CFAP161: variants seen among roughly 807,000 people sequenced by gnomAD.
CFAP161 encodes the protein cilia- and flagella-associated protein 161.
In CFAP161, 25 loss-of-function variants were observed where a neutral mutation model predicts 29.0. The ratio of observed to expected loss-of-function variants is 0.86; its 90% CI spans 0.63 to 1.20. The LOEUF (loss-of-function observed/expected upper bound fraction) is 1.20. CFAP161 is among the 50% of genes most tolerant of loss of function. The pLI is 0.00. For synonymous variants in CFAP161, 116 were observed against 137.4 expected (o/e 0.84, Z 1.09); for missense variants, 367 against 371.9 (o/e 0.99, Z 0.11).
chr15:81,140,926 T>C (rs1894897536), intron 4 of CFAP161, among the ~76,000 whole-genome samples: 1 of 152,122 alleles, frequency 6.6e-6, no homozygotes, highest in Non-Finnish European at 1.5e-5. Context: ...GTGTCTTAAT[T>C]ATTAGAGCTT....
At chr15:81,133,222 TA>T (rs1402595421), upstream of CFAP161, among the ~76,000 whole-genome samples, 147 of 27,588 alleles carry the variant, frequency 5.3e-3, 7 homozygotes, top group Non-Finnish European at 0.011. Context: ...TATATATATA[TA>T]TGTATTTTTT....
chr15:81,118,212 G>C (rs1487295692), intron 1 of CFAP161: 5 of 488,444 alleles, frequency 1.0e-5, no homozygotes, highest in Non-Finnish European at 1.9e-5. Context: ...TAGGCAGCTT[G>C]GGGAGATTTG....
chr15:81,103,536 A>G (rs1008955628), intron 1 of CFAP161, among the ~76,000 whole-genome samples: 4 of 152,164 alleles, frequency 2.6e-5, no homozygotes, highest in African/African-American at 9.7e-5. Context: ...TGAATAGAAT[A>G]GCTGACCACC....
At chr15:81,105,886 A>C (rs1056640758) in intron 1 of CFAP161, among the ~76,000 whole-genome samples, 3 of 152,190 alleles carry the variant, frequency 2.0e-5, no homozygotes, top group Non-Finnish European at 2.9e-5. Flanking sequence ...AAGAAACTGA[A>C]CAATTCACTG....
At chr15:81,114,726 C>G (rs891855621) in intron 1 of CFAP161, among the ~76,000 whole-genome samples, 2 of 152,108 alleles carry the variant, frequency 1.3e-5, no homozygotes, top group African/African-American at 4.8e-5. Flanking sequence ...TGCAGTGGCG[C>G]GATCTCGGCT....
intron 1 of CFAP161, among the ~76,000 whole-genome samples, chr15:81,118,715 G>A (rs545535967): frequency 2.1e-4 from 32 of 152,370 alleles, no homozygotes; most frequent in Non-Finnish European, 2.5e-4. Context: ...GAGGCTGCAC[G>A]ACCCGCCAGC....
chr15:81,105,090 T>TTCCCTCCCTCCCTCCCTCCCTTCCTCCC (rs1157434749), intron 1 of CFAP161, among the ~76,000 whole-genome samples: 3 of 46,454 alleles, frequency 6.5e-5, no homozygotes, highest in Non-Finnish European at 2.0e-4. Context: ...TTCTTTTCTT[T>TTCCCTCCCTCCCTCCCTCCCTTCCTCCC]TCCCTCCCTC....
At chr15:81,102,532 C>T (rs565024765) in intron 1 of CFAP161, among the ~76,000 whole-genome samples, 19 of 152,012 alleles carry the variant, frequency 1.2e-4, no homozygotes, top group South Asian at 2.1e-4. Flanking sequence ...AATTAGTTGA[C>T]GTGGTGGTGC....
chr15:81,104,340 G>A (rs1354153801), intron 1 of CFAP161, among the ~76,000 whole-genome samples: 1 of 152,240 alleles, frequency 6.6e-6, no homozygotes, highest in Non-Finnish European at 1.5e-5. Context: ...CAGTGAAGCT[G>A]GGAAGAGACT....
Position 81,143,726 on chromosome 15 carries a change from T to G in CFAP161, c.542T>G (p.Val181Gly). The G allele has an allele frequency of 1.2e-6, 2 of 1,614,122 alleles. No individual in the cohort carries two copies. The highest frequency in any genetic ancestry group is 1.7e-6 in the Non-Finnish European group (2 of 1,180,018). Residue 181 changes from valine (V) to glycine (G), a missense_variant, in exon 5 of 7, where the codon GTG becomes GGG. Coordinates refer to ENST00000286732, the MANE Select transcript of CFAP161 (RefSeq NM_173528.4). ...KSSKRSWLQE[V>G]YLTDEVSHVN... Reference sequence around the variant, plus strand: ...TCTAAGAGGTCTTGGCTCCAGGAAGTGTACCTAACAGATGAGGTCTCCCAT... The same window carrying G: ...TCTAAGAGGTCTTGGCTCCAGGAAGGGTACCTAACAGATGAGGTCTCCCAT...
chr15:81,134,217 G>T, upstream of CFAP161: 3 of 1,297,042 alleles, frequency 2.3e-6, no homozygotes, highest in Non-Finnish European at 2.1e-6. Context: ...GTCGCTTATT[G>T]GCCAGCAGGG....
chr15:81,148,445 A>G lies in CFAP161; in HGVS notation c.818A>G (p.Asp273Gly). ...HWMLVTGNPR[D>G]ASSSMLDLPK... is the part of the protein sequence containing the mutation. ...ATGTTGGTTACTGGGAATCCCAGGGATGCCTCGTCCTCCATGTTGGATCTG... is the reference window on the plus strand; with the variant it reads ...ATGTTGGTTACTGGGAATCCCAGGGGTGCCTCGTCCTCCATGTTGGATCTG... Residue 273 changes from aspartate to glycine, a missense_variant, in exon 7 of 7, where the codon GAT (aspartate) becomes GGT (glycine). Asp to Gly is a moderately conservative substitution (Grantham distance 94). Coordinates refer to ENST00000286732, the MANE Select transcript of CFAP161 (RefSeq NM_173528.4). 1 of 1,614,204 alleles carries G rather than the reference A, an allele frequency of 6.2e-7. No individual in the cohort carries two copies. The highest frequency in any genetic ancestry group is 8.5e-7 in the Non-Finnish European group (1 of 1,180,042).
intron 1 of CFAP161, among the ~76,000 whole-genome samples, chr15:81,116,345 G>A (rs1894497449): frequency 6.6e-6 from 1 of 152,212 alleles, no homozygotes; most frequent in Admixed American, 6.5e-5. Flanking sequence ...CCAGGCTGGA[G>A]TGCAGTGGCA....
At chr15:81,105,993 G>T (rs751432209) in intron 1 of CFAP161, among the ~76,000 whole-genome samples, 1 of 152,126 alleles carries the variant, frequency 6.6e-6, no homozygotes, top group African/African-American at 2.4e-5. Context: ...GTCTTTATGG[G>T]GCTTACACTA....
chr15:81,147,488 C>A (rs1359796218), intron 5 of CFAP161, among the ~76,000 whole-genome samples: 2 of 152,138 alleles, frequency 1.3e-5, no homozygotes, highest in Non-Finnish European at 2.9e-5. Context: ...TGTACTTACA[C>A]AAACCCAGAT....
At chr15:81,105,108 T>TCCCTC (rs1567149825) in intron 1 of CFAP161, among the ~76,000 whole-genome samples, 28 of 19,142 alleles carry the variant, frequency 1.5e-3, no homozygotes, top group Non-Finnish European at 3.1e-3. Context: ...CTCCCTCCCT[T>TCCCTC]CCTTTCTCCC....
At chr15:81,116,469 G>T (rs1039219637) in intron 1 of CFAP161, among the ~76,000 whole-genome samples, 2 of 152,048 alleles carry the variant, frequency 1.3e-5, no homozygotes, top group Non-Finnish European at 2.9e-5. Context: ...AATTTTTTTT[G>T]TATTTTTGGT....
intron 1 of CFAP161, among the ~76,000 whole-genome samples, chr15:81,105,187 T>TTCTC (rs1894354903): frequency 1.4e-5 from 1 of 72,838 alleles, no homozygotes; most frequent in African/African-American, 4.8e-5. Flanking sequence ...CTTCCTTTTT[T>TTCTC]CCTCCCTCAC....
At chr15:81,140,407 T>G (rs193203906) in intron 4 of CFAP161, among the ~76,000 whole-genome samples, 1 of 152,366 alleles carries the variant, frequency 6.6e-6, no homozygotes, top group African/African-American at 2.4e-5. Flanking sequence ...CCCAGATGAC[T>G]GGTCAGTTAT....
Sources: gnomAD v4.1 joint callset for allele counts (sites outside exome capture counted in the v4.1 genomes callset) on GRCh38, gnomAD v4.1.1 for gene constraint, MANE v1.5 for transcripts, NCBI Gene and HGNC (gene_info 2026-07-23, HGNC 2026-07-21) for gene names.